CADM2: variants seen among roughly 807,000 people sequenced by gnomAD.
The protein encoded by CADM2 is cell adhesion molecule 2.
In CADM2, 12 loss-of-function variants were observed where a neutral mutation model predicts 49.8. The observed-to-expected ratio is 0.24, with a 90% CI of 0.15 to 0.39. The LOEUF is 0.39. Ranked by LOEUF, CADM2 falls within the 10% of genes least tolerant of loss-of-function variation. CADM2 has a pLI of 1.00. For missense variants in CADM2, 378 were observed against 492.3 expected (o/e 0.77, Z 2.20); for synonymous variants, 214 against 175.4 (o/e 1.22, Z -1.74).
chr3:85,507,344 T>A (rs140695194), intron 1 of CADM2, among the ~76,000 whole-genome samples: 1,521 of 152,026 alleles, frequency 0.01, 23 homozygotes, highest in African/African-American at 0.033. Context: ...TGCACCACCA[T>A]GCCTGGCTAG....
chr3:86,034,247 G>T (rs182693858), intron 8 of CADM2, among the ~76,000 whole-genome samples: 1 of 152,042 alleles, frequency 6.6e-6, no homozygotes, highest in Admixed American at 6.6e-5. Context: ...TATGGACTGA[G>T]AATGTGATAT....
chr3:85,290,845 G>T (rs919731056), intron 1 of CADM2, among the ~76,000 whole-genome samples: 7 of 152,186 alleles, frequency 4.6e-5, no homozygotes, highest in African/African-American at 1.7e-4. Flanking sequence ...GGAAAAAACA[G>T]AACAGAAAAA....
intron 3 of CADM2, among the ~76,000 whole-genome samples, chr3:85,877,467 A>G (rs1015362900): frequency 6.6e-6 from 1 of 152,096 alleles, no homozygotes; most frequent in East Asian, 1.9e-4. Flanking sequence ...GACCTGCTAC[A>G]TAGAAAAGTT....
chr3:85,160,230 G>GTTGTCAAA, intron 1 of CADM2, among the ~76,000 whole-genome samples: 1 of 151,956 alleles, frequency 6.6e-6, no homozygotes, highest in Admixed American at 6.6e-5. Flanking sequence ...TACATCAACC[G>GTTGTCAAA]TTACTAAAAA....
intron 1 of CADM2, among the ~76,000 whole-genome samples, chr3:85,089,783 C>A (rs1443881563): frequency 6.6e-6 from 1 of 152,064 alleles, no homozygotes; most frequent in African/African-American, 2.4e-5. Flanking sequence ...TAAAATAGGA[C>A]AACATGAGTT....
chr3:85,637,369 GA>G (rs2064530200), intron 1 of CADM2, among the ~76,000 whole-genome samples: 1 of 151,326 alleles, frequency 6.6e-6, no homozygotes, highest in Non-Finnish European at 1.5e-5. Flanking sequence ...TTGGGAGGCC[GA>G]GGCGGGTGGA....
chr3:85,153,790 C>T (rs1462831586), intron 1 of CADM2, among the ~76,000 whole-genome samples: 6 of 152,148 alleles, frequency 3.9e-5, no homozygotes, highest in Admixed American at 6.5e-5. Flanking sequence ...CCCTGACCCC[C>T]GAGCTGCCTA....
intron 3 of CADM2, among the ~76,000 whole-genome samples, chr3:85,818,914 G>A (rs1195178372): frequency 6.9e-6 from 1 of 144,854 alleles, no homozygotes; most frequent in Non-Finnish European, 1.5e-5. Context: ...TATGTGAAAG[G>A]GAGTTTATGA....
rs552534155 is a variant in CADM2 at position 86,039,404 on chromosome 3, T to C, written c.971-26201T>C. On this transcript the variant is annotated intron_variant, in intron 8 of 9. Transcript: ENST00000383699. ...TCACCCTAATACTGTGCTTTTCCAA[T>C]GGTCTTAGCGAACGGCACACCAGGA... Among the ~76,000 whole-genome samples, 20 of 152,180 alleles carry C rather than the reference T, an allele frequency of 1.3e-4. No individual in the cohort carries two copies. In the South Asian group the frequency reaches 3.9e-3, roughly 30 times the overall value.
At chr3:85,761,390 T>A (rs1363738853) in intron 2 of CADM2, among the ~76,000 whole-genome samples, 2 of 142,142 alleles carry the variant, frequency 1.4e-5, no homozygotes, top group Non-Finnish European at 3.0e-5. Context: ...TTTTTTTTTT[T>A]GGAGACAGAA....
chr3:85,388,766 C>T (rs2034372879), intron 1 of CADM2, among the ~76,000 whole-genome samples: 1 of 151,804 alleles, frequency 6.6e-6, no homozygotes, highest in Non-Finnish European at 1.5e-5. Flanking sequence ...AAATTGACAA[C>T]CTACCCACCT....
intron 8 of CADM2, among the ~76,000 whole-genome samples, chr3:86,032,014 A>G (rs1734611506): frequency 6.6e-6 from 1 of 151,766 alleles, no homozygotes; most frequent in African/African-American, 2.4e-5. Context: ...TCAAGAGTAA[A>G]TTAATTGAAA....
intron 1 of CADM2, among the ~76,000 whole-genome samples, chr3:85,524,668 C>G (rs1344145574): frequency 6.6e-6 from 1 of 152,114 alleles, no homozygotes; most frequent in Non-Finnish European, 1.5e-5. Context: ...CTCAAGTCTA[C>G]TATATCTTTA....
At chr3:85,846,623 A>G (rs535174220) in intron 3 of CADM2, among the ~76,000 whole-genome samples, 2 of 152,148 alleles carry the variant, frequency 1.3e-5, no homozygotes, top group African/African-American at 2.4e-5. Flanking sequence ...TCCCCACACT[A>G]TGAGAGGCTG....
At chr3:85,327,991 A>G (rs1016578693) in intron 1 of CADM2, among the ~76,000 whole-genome samples, 8 of 152,220 alleles carry the variant, frequency 5.3e-5, no homozygotes, top group African/African-American at 1.9e-4. Flanking sequence ...AGCTTGGTAG[A>G]TGAATCACTG....
chr3:85,861,908 A>G (rs1373675905), intron 3 of CADM2, among the ~76,000 whole-genome samples: 1 of 152,116 alleles, frequency 6.6e-6, no homozygotes, highest in African/African-American at 2.4e-5. Context: ...TTAATATAAT[A>G]TGTCCTGATA....
intron 1 of CADM2, among the ~76,000 whole-genome samples, chr3:85,465,479 C>T (rs2038451121): frequency 6.6e-6 from 1 of 151,982 alleles, no homozygotes. Flanking sequence ...GTTCATAAGA[C>T]CTTTTCACCA....
intron 1 of CADM2, among the ~76,000 whole-genome samples, chr3:85,507,202 G>C (rs1239835294): frequency 1.9e-5 from 1 of 52,506 alleles, no homozygotes; most frequent in Non-Finnish European, 3.7e-5. Flanking sequence ...TTTTTTTTTT[G>C]AGACAGAATC....
In CADM2 at chr3:85,838,092, A is replaced by G. The variant is rs997364156; in HGVS notation, c.238+35896A>G. On this transcript the variant is annotated intron_variant, in intron 3 of 9. Coordinates refer to ENST00000383699, the MANE Select transcript of CADM2 (RefSeq NM_001167675.2). Reference sequence around the variant, plus strand: ...TATTTTAGAATCACTTCATCTATACATACTCAACTCAAATTTTAAGTGGTT... The same window carrying G: ...TATTTTAGAATCACTTCATCTATACGTACTCAACTCAAATTTTAAGTGGTT... 4.6e-5 allele frequency among the ~76,000 whole-genome samples: 7 copies of G among 151,916 alleles called. No individual in the cohort carries two copies. The East Asian group carries it at 1.4e-3, about 29-fold the overall frequency.
Sources: gnomAD v4.1 joint callset for allele counts (sites outside exome capture counted in the v4.1 genomes callset) on GRCh38, gnomAD v4.1.1 for gene constraint, MANE v1.5 for transcripts, NCBI Gene and HGNC (gene_info 2026-07-23, HGNC 2026-07-21) for gene names.